The following PCDHAC2 variants were observed in gnomAD, a reference collection of about 807,000 sequenced individuals.
PCDHAC2 encodes protocadherin alpha subfamily C, 2, also known as protocadherin alpha-C2.
Under a neutral mutation model 63.3 loss-of-function variants are expected in PCDHAC2, and 24 were observed. The observed-to-expected ratio is 0.38, with a 90% CI of 0.27 to 0.53. The LOEUF (loss-of-function observed/expected upper bound fraction) is 0.53, where lower values mean the gene tolerates loss of function less well. Ranked by LOEUF, PCDHAC2 falls within the 20% of genes least tolerant of loss-of-function variation. The pLI is 0.81. For missense variants in PCDHAC2, 1,181 were observed against 1,275.2 expected (o/e 0.93, Z 1.12); for synonymous variants, 569 against 529.4 (o/e 1.07, Z -1.03).
chr5:141,004,014 A>T (rs1294633411), intron 3 of PCDHAC2, among the ~76,000 whole-genome samples: 40 of 152,222 alleles, frequency 2.6e-4, no homozygotes, highest in African/African-American at 9.4e-4. Context: ...GGCAGCACTG[A>T]AAGAAGAAAC....
At chr5:141,001,144 C>T (rs1225047253) in intron 3 of PCDHAC2, among the ~76,000 whole-genome samples, 3 of 151,960 alleles carry the variant, frequency 2.0e-5, no homozygotes, top group Non-Finnish European at 4.4e-5. Context: ...TCTTCTGTTG[C>T]TCTGATCTTA....
At chr5:140,978,486 G>T (rs1289847782) in intron 1 of PCDHAC2, among the ~76,000 whole-genome samples, 1 of 152,248 alleles carries the variant, frequency 6.6e-6, no homozygotes, top group Admixed American at 6.5e-5. Flanking sequence ...AGTCTGCAAA[G>T]CCAGCAGCAG....
chr5:140,993,293 A>T (rs1445204823), intron 3 of PCDHAC2, among the ~76,000 whole-genome samples: 1 of 152,062 alleles, frequency 6.6e-6, no homozygotes, highest in Non-Finnish European at 1.5e-5. Context: ...CAGGGTCACA[A>T]CCTTGCCTCC....
intron 3 of PCDHAC2, among the ~76,000 whole-genome samples, chr5:140,986,690 A>G (rs2097209589): frequency 6.6e-6 from 1 of 152,172 alleles, no homozygotes; most frequent in African/African-American, 2.4e-5. Flanking sequence ...AAAGTTTCAA[A>G]ACACACAGCA....
At chr5:140,993,667 C>T (rs2097576739) in intron 3 of PCDHAC2, among the ~76,000 whole-genome samples, 1 of 152,052 alleles carries the variant, frequency 6.6e-6, no homozygotes, top group African/African-American at 2.4e-5. Context: ...AACAATGGAC[C>T]ACATATGTGA....
At chr5:141,005,288 T>A (rs908780920) in intron 3 of PCDHAC2, among the ~76,000 whole-genome samples, 1 of 152,176 alleles carries the variant, frequency 6.6e-6, no homozygotes. Flanking sequence ...AACAGATACA[T>A]TTTTTGCCTT....
intron 2 of PCDHAC2, among the ~76,000 whole-genome samples, chr5:140,980,702 G>A (rs1472407152): frequency 6.6e-6 from 1 of 151,558 alleles, no homozygotes; most frequent in Non-Finnish European, 1.5e-5. Flanking sequence ...AAAGCCAAAT[G>A]TGCTCCTATT....
chr5:141,002,173 C>T (rs1442739241), intron 3 of PCDHAC2, among the ~76,000 whole-genome samples: 2 of 152,192 alleles, frequency 1.3e-5, no homozygotes, highest in Non-Finnish European at 2.9e-5. Flanking sequence ...TAGGCAGGCT[C>T]CAGAGTGCTG....
In PCDHAC2 at chr5:140,968,153, A is replaced by G; in HGVS notation, c.1387A>G (p.Asn463Asp). 2 of 1,614,142 alleles carry G rather than the reference A, an allele frequency of 1.2e-6. No individual in the cohort carries two copies. The highest frequency in any genetic ancestry group is 8.5e-7 in the Non-Finnish European group (1 of 1,180,046). The change falls in exon 1 of 4, where the codon AAT becomes GAT. Residue 463 changes from asparagine to aspartate, a missense_variant. By Grantham distance (23) the Asn-to-Asp change is conservative (BLOSUM62 1). This residue lies in a region of PCDHAC2 where 968 missense variants were observed against 1,073.5 expected (regional missense o/e 0.90). Coordinates refer to ENST00000289269, the MANE Select transcript of PCDHAC2 (RefSeq NM_018899.6). ...RTLKVEISDI[N>D]DNPPSFLEDS... ...ACTGAAGGTTGAGATCTCTGACATC[A>G]ATGACAATCCACCAAGCTTCCTGGA...
chr5:141,002,095 C>G (rs1341792848), intron 3 of PCDHAC2, among the ~76,000 whole-genome samples: 1 of 152,234 alleles, frequency 6.6e-6, no homozygotes, highest in Non-Finnish European at 1.5e-5. Flanking sequence ...AGTCCAGGGG[C>G]TGGGCCGGAA....
chr5:140,967,662 A>G lies in PCDHAC2; in HGVS notation c.896A>G (p.Tyr299Cys). ...GAGCTCAGGTACTCCTTGAGCAGCT[A>G]CACGTCGGACCGGGAGAGGCAGCTC... ...NGELRYSLSS[Y>C]TSDRERQLFS... The change falls in exon 1 of 4, where the codon TAC becomes TGC. Residue 299 changes from tyrosine (Y) to cysteine (C), a missense_variant. Coordinates refer to ENST00000289269, the MANE Select transcript of PCDHAC2 (RefSeq NM_018899.6). 6.2e-7 allele frequency: 1 copy of G among 1,614,192 alleles called. No homozygotes were observed. Among genetic ancestry groups the G allele is most frequent in the Non-Finnish European group, 8.5e-7 (1 of 1,180,018 alleles).
rs782320507 is a variant in PCDHAC2, at chr5:140,969,215, C to G, written c.2449C>G (p.Pro817Ala). The G allele has an allele frequency of 6.2e-7, 1 of 1,614,128 alleles. No homozygotes were observed. Among genetic ancestry groups the G allele is most frequent in the South Asian group, 1.1e-5 (1 of 91,080 alleles). ...TTACAATACAGGGGCCCAGACAGGA[C>G]CAGGGCCTTCGGGAGCCCAAGCAGC... ...MFYNTGAQTG[P>A]GPSGAQAAVT... The change falls in exon 1 of 4, where the codon CCA becomes GCA. Residue 817 changes from proline to alanine, a missense_variant. Physicochemically the swap from Pro to Ala is conservative, Grantham distance 27. Coordinates refer to ENST00000289269, the MANE Select transcript of PCDHAC2 (RefSeq NM_018899.6).
chr5:141,003,411 G>A (rs537266386), intron 3 of PCDHAC2, among the ~76,000 whole-genome samples: 4 of 152,092 alleles, frequency 2.6e-5, no homozygotes, highest in Non-Finnish European at 4.4e-5. Context: ...TCCCGGGTTC[G>A]AGTGATTCTT....
At chr5:140,982,268 A>G (rs2096974621) in intron 2 of PCDHAC2, 3 of 885,512 alleles carry the variant, frequency 3.4e-6, no homozygotes, top group South Asian at 2.2e-5. Flanking sequence ...TGTTCCTGGA[A>G]TAGTATAGCA....
intron 3 of PCDHAC2, among the ~76,000 whole-genome samples, chr5:140,995,446 T>C (rs2097684088): frequency 6.6e-6 from 1 of 152,206 alleles, no homozygotes; most frequent in Non-Finnish European, 1.5e-5. Flanking sequence ...TTAAAACTTA[T>C]GAATTGTTTA....
rs1377792748 is a variant in PCDHAC2 at position 140,968,353 on chromosome 5, C to T, written c.1587C>T (p.Gly529=). ...ATGTCTCCATTAACAGTGCCAGTGGCAGCCTTTATGCTGTCAACTCCTTTG... is the reference window on the plus strand; with the variant it reads ...ATGTCTCCATTAACAGTGCCAGTGGTAGCCTTTATGCTGTCAACTCCTTTG... ...TSYVSINSAS[G]SLYAVNSFDY... is the part of the protein sequence containing the mutation. The change falls in exon 1 of 4, where the codon GGC becomes GGT. Residue 529 remains glycine, a synonymous_variant. Coordinates refer to ENST00000289269, the MANE Select transcript of PCDHAC2 (RefSeq NM_018899.6). 1.9e-6 allele frequency: 3 copies of T among 1,613,988 alleles called. No individual in the cohort carries two copies. In the African/African-American group the frequency reaches 4.0e-5, roughly 22 times the overall value.
intron 3 of PCDHAC2, among the ~76,000 whole-genome samples, chr5:141,009,180 T>C (rs1272195338): frequency 6.6e-6 from 1 of 152,170 alleles, no homozygotes; most frequent in Non-Finnish European, 1.5e-5. Context: ...CTTGGCTGGG[T>C]GTGGTAGCTC....
In PCDHAC2 at chr5:140,968,891, A is replaced by G. The variant is rs782512271; in HGVS notation, c.2125A>G (p.Ile709Val). The G allele has an allele frequency of 1.5e-5, 24 of 1,614,060 alleles. No homozygotes were observed. The highest frequency in any genetic ancestry group is 1.1e-4 in the South Asian group (10 of 91,074). ...RTYSEITLYL[I>V]IALSTVSFIF... ...ATACTCTGAAATTACCCTTTATCTA[A>G]TAATAGCATTAAGCACAGTGTCTTT... The change falls in exon 1 of 4, where the codon ATA (isoleucine) becomes GTA (valine). Residue 709 changes from isoleucine (I) to valine (V), a missense_variant. Around this residue, in one of 3 missense-constraint regions of PCDHAC2, gnomAD observed 968 missense variants for 1,073.5 expected, o/e 0.90. Coordinates refer to ENST00000289269, the MANE Select transcript of PCDHAC2 (RefSeq NM_018899.6).
In PCDHAC2 at chr5:140,967,368, A is replaced by G. The variant is rs2096133589; in HGVS notation, c.602A>G (p.Gln201Arg). Residue 201 changes from glutamine (Q) to arginine (R), a missense_variant, in exon 1 of 4, where the codon CAG becomes CGG. This residue lies in a region of PCDHAC2 where 968 missense variants were observed against 1,073.5 expected (regional missense o/e 0.90). Coordinates refer to ENST00000289269, the MANE Select transcript of PCDHAC2 (RefSeq NM_018899.6). ...TTCGAGCTGGACCTTAAGCCCCTGC[A>G]GGAGAACAGTAAAGTGCTTGAGCTG... ...EHFELDLKPL[Q>R]ENSKVLELVL... 6.2e-7 allele frequency: 1 copy of G among 1,607,738 alleles called. No homozygotes were observed. Among genetic ancestry groups the G allele is most frequent in the Non-Finnish European group, 8.5e-7 (1 of 1,175,436 alleles).
Sources: gnomAD v4.1 joint callset for allele counts (sites outside exome capture counted in the v4.1 genomes callset) on GRCh38, gnomAD v4.1.1 for gene constraint, gnomAD v4.1.1 regional missense constraint, MANE v1.5 for transcripts, NCBI Gene and HGNC (gene_info 2026-07-23, HGNC 2026-07-21) for gene names.